Variants in CMSS1 observed in about 807,000 individuals in gnomAD.
The protein encoded by CMSS1 is cms1 ribosomal small subunit homolog.
CMSS1 carries 33 observed loss-of-function variants against 43.5 expected under a neutral mutation model. The observed-to-expected ratio is 0.76, with a 90% CI of 0.57 to 1.01. CMSS1 has a LOEUF of 1.01. CMSS1 is among the 50% of genes least tolerant of loss of function. The pLI, the probability that CMSS1 is intolerant of heterozygous loss-of-function variation, is 0.00. For missense variants in CMSS1, 313 were observed against 326.4 expected (o/e 0.96, Z 0.32); for synonymous variants, 115 against 117.2 (o/e 0.98, Z 0.12).
chr3:99,942,586 C>G (rs867519140), intron 1 of CMSS1, among the ~76,000 whole-genome samples: 1 of 152,196 alleles, frequency 6.6e-6, no homozygotes, highest in South Asian at 2.1e-4. Flanking sequence ...AATCCCAGCC[C>G]TTTGGGAGAC....
intron 1 of CMSS1, among the ~76,000 whole-genome samples, chr3:100,021,144 A>G (rs150961776): frequency 1.0e-3 from 158 of 152,290 alleles, no homozygotes; most frequent in African/African-American, 3.6e-3. Context: ...TCCTGACGCA[A>G]AATTCCCCAG....
intron 1 of CMSS1, among the ~76,000 whole-genome samples, chr3:99,950,311 A>G (rs572324494): frequency 4.3e-4 from 66 of 152,324 alleles, no homozygotes; most frequent in African/African-American, 1.5e-3. Context: ...AAATGTTAGA[A>G]ATTTTTACAG....
chr3:100,059,848 C>G (rs1476026948), intron 1 of CMSS1, among the ~76,000 whole-genome samples: 1 of 152,184 alleles, frequency 6.6e-6, no homozygotes, highest in Admixed American at 6.5e-5. Flanking sequence ...GCAACTAATT[C>G]ATATTCTTCA....
intron 1 of CMSS1, among the ~76,000 whole-genome samples, chr3:99,991,150 A>C (rs1265044723): frequency 5.9e-5 from 9 of 152,198 alleles, no homozygotes; most frequent in Admixed American, 4.6e-4. Context: ...AAATATGCCC[A>C]TTCTCATTCG....
At chr3:99,830,574 G>A (rs1266867781) in intron 1 of CMSS1, 1 of 456,626 alleles carries the variant, frequency 2.2e-6, no homozygotes, top group South Asian at 1.5e-5. Flanking sequence ...AGGGATCCGT[G>A]CTGGGATTCT....
intron 1 of CMSS1, among the ~76,000 whole-genome samples, chr3:99,963,626 T>C (rs2107706481): frequency 6.6e-6 from 1 of 152,272 alleles, no homozygotes; most frequent in African/African-American, 2.4e-5. Flanking sequence ...TTTTTCTTTT[T>C]TTTTAGACGG....
rs115722395 is a variant in CMSS1 at position 100,012,052 on chromosome 3, G to C, written c.65-134921G>C. 6.2e-3 allele frequency among the ~76,000 whole-genome samples: 938 copies of C among 152,176 alleles called. 6 individuals are homozygous for C. Among genetic ancestry groups the C allele is most frequent in the African/African-American group, 0.018 (744 of 41,518 alleles). On this transcript the variant is annotated intron_variant, in intron 1 of 9. Coordinates refer to ENST00000421999, the MANE Select transcript of CMSS1 (RefSeq NM_032359.4). The stretch of plus-strand genomic sequence containing the variant: ...ATTTCTTTTGAAAACCTTTGTGAGG[G>C]GGGTGGTATGTGGTAAGCAAGGGAT...
chr3:99,864,700 A>T (rs1944426046), intron 1 of CMSS1, among the ~76,000 whole-genome samples: 1 of 151,726 alleles, frequency 6.6e-6, no homozygotes, highest in African/African-American at 2.4e-5. Flanking sequence ...CTCTTTGCTC[A>T]CTCTGCTCCT....
chr3:100,054,598 G>C (rs1199234382), intron 1 of CMSS1, among the ~76,000 whole-genome samples: 1 of 152,022 alleles, frequency 6.6e-6, no homozygotes, highest in Non-Finnish European at 1.5e-5. Flanking sequence ...TCCACTCCTG[G>C]CCCAGGACTT....
At chr3:99,875,522 T>A (rs1289232603) in intron 1 of CMSS1, among the ~76,000 whole-genome samples, 1 of 152,228 alleles carries the variant, frequency 6.6e-6, no homozygotes, top group African/African-American at 2.4e-5. Flanking sequence ...TACGACAAAA[T>A]AGCGTTTGTA....
chr3:100,013,869 T>C (rs1710238067), intron 1 of CMSS1, among the ~76,000 whole-genome samples: 1 of 152,174 alleles, frequency 6.6e-6, no homozygotes. Flanking sequence ...TACAATATGT[T>C]GTTAACTATA....
At chr3:100,174,106 G>C (rs1454950953) in intron 8 of CMSS1, among the ~76,000 whole-genome samples, 1 of 152,198 alleles carries the variant, frequency 6.6e-6, no homozygotes, top group Admixed American at 6.5e-5. Flanking sequence ...AAAGAAATTT[G>C]AGGAAAGTCC....
intron 1 of CMSS1, among the ~76,000 whole-genome samples, chr3:99,894,765 C>G (rs1427964976): frequency 2.0e-5 from 3 of 152,122 alleles, no homozygotes; most frequent in African/African-American, 7.2e-5. Flanking sequence ...ATTTAGGTAA[C>G]TGTGATAGTA....
intron 1 of CMSS1, 54 bp from the exon 2 acceptor site, chr3:100,146,919 C>G (rs1236724434): frequency 1.3e-6 from 2 of 1,572,946 alleles, no homozygotes; most frequent in Non-Finnish European, 1.7e-6. Flanking sequence ...ACCAAGATTG[C>G]ACTAGCAATG....
intron 1 of CMSS1, among the ~76,000 whole-genome samples, chr3:99,852,097 A>C (rs951339090): frequency 6.6e-6 from 1 of 152,206 alleles, no homozygotes; most frequent in Non-Finnish European, 1.5e-5. Context: ...GGTATTTTAC[A>C]TGTAGTATAA....
chr3:100,153,658 T>G (rs1343327593), intron 2 of CMSS1, among the ~76,000 whole-genome samples: 1 of 152,194 alleles, frequency 6.6e-6, no homozygotes, highest in Non-Finnish European at 1.5e-5. Context: ...GACACCTCAT[T>G]TAACCTTAGT....
chr3:99,997,032 G>T (rs559370643), intron 1 of CMSS1, among the ~76,000 whole-genome samples: 3 of 152,118 alleles, frequency 2.0e-5, no homozygotes, highest in African/African-American at 7.2e-5. Context: ...CATTAAATGC[G>T]TACATCAATA....
chr3:100,116,738 C>T (rs2066574381), intron 1 of CMSS1, among the ~76,000 whole-genome samples: 1 of 152,176 alleles, frequency 6.6e-6, no homozygotes, highest in Admixed American at 6.5e-5. Flanking sequence ...TAACCCTTTC[C>T]ATATTTGTAA....
At chr3:100,114,975 A>T in intron 1 of CMSS1, 3 of 1,533,444 alleles carry the variant, frequency 2.0e-6, no homozygotes, top group Non-Finnish European at 2.6e-6. Flanking sequence ...AGGAAACTCT[A>T]GAGCAACATC....
Sources: allele counts gnomAD v4.1 joint callset (sites outside exome capture counted in the v4.1 genomes callset), GRCh38; gene constraint gnomAD v4.1.1; transcripts MANE v1.5; gene names NCBI Gene and HGNC (gene_info 2026-07-23, HGNC 2026-07-21).